The following SSC5D variants were observed in gnomAD, a reference collection of about 807,000 sequenced individuals.
The protein encoded by SSC5D is soluble scavenger receptor cysteine-rich domain-containing protein SSC5D.
A neutral mutation model predicts 104.6 loss-of-function variants in SSC5D; 106 were observed. The ratio of observed to expected loss-of-function variants is 1.01; its 90% confidence interval spans 0.87 to 1.19. SSC5D has a LOEUF of 1.19. Among genes scored for constraint, SSC5D ranks in the 50% most tolerant of loss-of-function variants. The pLI, the probability that SSC5D is intolerant of heterozygous loss-of-function variation, is 0.00. For synonymous variants in SSC5D, 860 were observed against 883.5 expected (o/e 0.97, Z 0.47); for missense variants, 1,993 against 2,153.8 (o/e 0.93, Z 1.48).
rs932577403 is a variant in SSC5D at position 55,500,586 on chromosome 19, A to G, written c.2399A>G (p.Asn800Ser). Residue 800 changes from asparagine (N) to serine (S), a missense_variant, in exon 11 of 14, where the codon AAC becomes AGC. Transcript: ENST00000389623. This position sits in a 1 kb window ranked among gnomAD's most constrained non-coding sequence, Gnocchi z 4.6. ...AGRWGTVCDDNWDLRDATVAC... is the reference protein window; with the variant it reads ...AGRWGTVCDDSWDLRDATVAC... Reference sequence around the variant, plus strand: ...CGCTGGGGAACAGTGTGTGATGACAACTGGGACCTGCGGGACGCCACTGTG... The same window carrying G: ...CGCTGGGGAACAGTGTGTGATGACAGCTGGGACCTGCGGGACGCCACTGTG... 5 of 1,551,732 alleles carry G rather than the reference A, an allele frequency of 3.2e-6. No homozygotes were observed. Among genetic ancestry groups the G allele is most frequent in the Admixed American group, 2.0e-5 (1 of 51,000 alleles).
At chr19:55,504,105 TC>T in intron 12 of SSC5D, 2 of 1,535,070 alleles carry the variant, frequency 1.3e-6, no homozygotes, top group Non-Finnish European at 1.7e-6. Context: ...GAGCTATCAT[TC>T]CGTTTCCAGA....
chr19:55,505,965 G>A (rs1951295068), intron 12 of SSC5D, among the ~76,000 whole-genome samples: 1 of 151,776 alleles, frequency 6.6e-6, no homozygotes, highest in South Asian at 2.1e-4. Context: ...TTGAACTCCT[G>A]ACCTCAGGTG....
intron 7 of SSC5D, 81 bp downstream of exon 7, chr19:55,493,993 G>GGGGGGGGGGGGGGT: frequency 1.6e-5 from 4 of 247,914 alleles, no homozygotes; most frequent in Admixed American, 5.1e-5. Context: ...GGGGCGGGGG[G>GGGGGGGGGGGGGGT]GTCCCTACGC....
intron 8 of SSC5D, among the ~76,000 whole-genome samples, chr19:55,497,351 C>G (rs1418647311): frequency 6.6e-6 from 1 of 152,068 alleles, no homozygotes; most frequent in Admixed American, 6.5e-5. Context: ...AGAAAAAAAC[C>G]CTTATTAAAC....
chr19:55,504,016 T>G, intron 12 of SSC5D: 5 of 1,166,398 alleles, frequency 4.3e-6, no homozygotes, highest in Non-Finnish European at 6.0e-6. Context: ...AAGCGGGCCT[T>G]GAGGTGGGGA....
At chr19:55,489,844 C>A in intron 3 of SSC5D, 38 bp from the exon 4 acceptor site, 1 of 1,531,956 alleles carries the variant, frequency 6.5e-7, no homozygotes, top group Non-Finnish European at 8.9e-7. Flanking sequence ...GATTCCCCTC[C>A]TCTCCTCATA....
intron 9 of SSC5D, among the ~76,000 whole-genome samples, chr19:55,499,376 G>A (rs1472403572): frequency 6.6e-6 from 1 of 152,240 alleles, no homozygotes; most frequent in Non-Finnish European, 1.5e-5. Context: ...CTTCCTGAGG[G>A]CCACGGGGGC....
chr19:55,513,490 G>C (rs1321291233), intron 13 of SSC5D, among the ~76,000 whole-genome samples: 1 of 152,006 alleles, frequency 6.6e-6, no homozygotes, highest in East Asian at 1.9e-4. Context: ...TGAGGCAGGA[G>C]GATCCCTTGA....
In SSC5D at chr19:55,499,013, A is replaced by G. The variant is rs142694263; in HGVS notation, c.1706-803A>G. Among the ~76,000 whole-genome samples the G allele has an allele frequency of 6.8e-3, 1,034 of 152,322 alleles. 7 individuals carry two copies. Among genetic ancestry groups the G allele is most frequent in the Admixed American group, 0.013 (194 of 15,300 alleles). ...TTCATTATCCCAGCAACGAAGTGGGACAACACACATGAGGAACTGCCAACT... is the reference window on the plus strand; with the variant it reads ...TTCATTATCCCAGCAACGAAGTGGGGCAACACACATGAGGAACTGCCAACT... On this transcript the variant is annotated intron_variant, in intron 9 of 13. Coordinates refer to ENST00000389623, the MANE Select transcript of SSC5D (RefSeq NM_001144950.2).
chr19:55,489,063 C>A (rs1413660544), intron 2 of SSC5D, 31 bp downstream of exon 2: 6 of 20,858 alleles, frequency 2.9e-4, no homozygotes, highest in East Asian at 5.0e-4. Flanking sequence ...CATCTGCCCG[C>A]CCCCCCCCCC....
chr19:55,501,063 T>C lies in SSC5D; in HGVS notation c.2647T>C (p.Trp883Arg), dbSNP rs1440871548. The stretch of plus-strand genomic sequence containing the variant: ...CACAGACTATGACGATTATCCCCCC[T>C]GGACCTGGGACCCCACCTCAAGAGA... ...GYTDYDDYPP[W>R]TWDPTSREDL... The change falls in exon 12 of 14, where the codon TGG becomes CGG. Residue 883 changes from tryptophan (W) to arginine (R), a missense_variant. Coordinates refer to ENST00000389623, the MANE Select transcript of SSC5D (RefSeq NM_001144950.2). 4.5e-6 allele frequency: 7 copies of C among 1,551,746 alleles called. No homozygotes were observed. Among genetic ancestry groups the C allele is most frequent in the Admixed American group, 2.0e-5 (1 of 50,972 alleles).
At chr19:55,499,780 T>A in intron 9 of SSC5D, 36 bp from the exon 10 acceptor site, 2 of 1,504,004 alleles carry the variant, frequency 1.3e-6, no homozygotes, top group Non-Finnish European at 9.0e-7. Flanking sequence ...CATCATGGTG[T>A]CTCTGTCTTC....
rs1987483970 is a variant in SSC5D at position 55,500,962 on chromosome 19, G to C, written c.2618-72G>C. On this transcript the variant is annotated intron_variant, in intron 11 of 13. Coordinates refer to ENST00000389623, the MANE Select transcript of SSC5D (RefSeq NM_001144950.2). This position sits in a 1 kb window ranked among gnomAD's most constrained non-coding sequence, Gnocchi z 4.6. ...GAGTTGCTCCAGAAGATTCCAAAAG[G>C]GGAGGGAAGAGCAGCAGCAAGGACC... 3 of 1,540,272 alleles carry C rather than the reference G, an allele frequency of 1.9e-6. No homozygotes were observed. Among genetic ancestry groups the C allele is most frequent in the Middle Eastern group, 1.7e-4 (1 of 5,940 alleles).
At chr19:55,512,541 G>T (rs981300880) in intron 12 of SSC5D, among the ~76,000 whole-genome samples, 3 of 151,008 alleles carry the variant, frequency 2.0e-5, no homozygotes, top group African/African-American at 7.3e-5. Flanking sequence ...GAGTGCAGTG[G>T]CACAGTCTTG....
chr19:55,488,865 C>T (rs1987030466), intron 1 of SSC5D, 141 bp from the exon 2 acceptor site: 1 of 1,042 alleles, frequency 9.6e-4, no homozygotes, highest in African/African-American at 0.02. Flanking sequence ...GACCTTTAGC[C>T]AAGCCCATGT....
In SSC5D at chr19:55,493,756, GC is replaced by G. The variant is rs1987221410; in HGVS notation, c.1062del (p.Gly356AlafsTer80). 4 of 1,526,476 alleles carry G rather than the reference GC, an allele frequency of 2.6e-6. No homozygotes were observed. The highest frequency in any genetic ancestry group is 1.4e-5 in the African/African-American group (1 of 71,456). 94.6% of individuals were successfully genotyped at this position (1,526,476 alleles called of 1,614,324 possible). A position where few individuals can be genotyped will look rare whatever the true frequency, so the allele number is the denominator to read the frequency against. On this transcript the variant is annotated frameshift_variant, in exon 7 of 14. Coordinates refer to ENST00000389623, the MANE Select transcript of SSC5D (RefSeq NM_001144950.2). LOFTEE classifies it high-confidence loss of function. ...RELGCGGALAAPGGAFFGEGS... is the reference protein window; with the variant it reads ...RELGCGGALAXPGGAFFGEGS... ...GCTGGGCTGCGGAGGGGCGCTGGCC[GC>G]CCCCGGGGGCGCCTTCTTTGGGGAG... is the stretch of plus-strand genomic sequence containing the variant.
chr19:55,509,911 G>A (rs535459898), intron 12 of SSC5D, among the ~76,000 whole-genome samples: 59 of 147,818 alleles, frequency 4.0e-4, no homozygotes, highest in Non-Finnish European at 7.2e-4. Context: ...ACGCGTATGA[G>A]AATGAGAAAC....
In SSC5D at chr19:55,493,663, G is replaced by T. The variant is rs764977952; in HGVS notation, c.964G>T (p.Gly322Trp). ...CGCCGGCCGCCTGGAGGTCTGGCAC[G>T]GGGGTCGCTGGGGGTCGGTGTGTGA... ...GCAGRLEVWH[G>W]GRWGSVCDDA... is the part of the protein sequence containing the mutation. Residue 322 changes from glycine to tryptophan, a missense_variant, in exon 7 of 14, where the codon GGG (glycine) becomes TGG (tryptophan). Transcript: ENST00000389623. The T allele has an allele frequency of 2.0e-6, 3 of 1,505,106 alleles. No homozygotes were observed. Among genetic ancestry groups the T allele is most frequent in the African/African-American group, 1.4e-5 (1 of 70,012 alleles). The allele number at this position is 1,505,106 out of a possible 1,614,324, so 93.2% of individuals were successfully genotyped here.
At chr19:55,493,994 G>GGGGAGGGGGGGGT in intron 7 of SSC5D, 82 bp downstream of exon 7, 1 of 143,314 alleles carries the variant, frequency 7.0e-6, no homozygotes, top group South Asian at 7.8e-5. Flanking sequence ...GGGCGGGGGG[G>GGGGAGGGGGGGGT]TCCCTACGCG....
Sources: allele counts gnomAD v4.1 joint callset (sites outside exome capture counted in the v4.1 genomes callset), GRCh38; gene constraint gnomAD v4.1.1; non-coding constraint Gnocchi (gnomAD v3.1); transcripts MANE v1.5; gene names NCBI Gene and HGNC (gene_info 2026-07-23, HGNC 2026-07-21).